HAUS6: variants seen among roughly 807,000 people sequenced by gnomAD.
The protein encoded by HAUS6 is HAUS augmin-like complex subunit 6.
Under a neutral mutation model 106.8 loss-of-function variants are expected in HAUS6, and 80 were observed. The ratio of observed to expected loss-of-function variants is 0.75; its 90% CI spans 0.63 to 0.90. HAUS6 has a LOEUF of 0.90. Ranked by LOEUF, HAUS6 falls within the 40% of genes least tolerant of loss-of-function variation. The pLI, the probability that HAUS6 is intolerant of heterozygous loss-of-function variation, is 0.00. For synonymous variants in HAUS6, 356 were observed against 379.1 expected (o/e 0.94, Z 0.71); for missense variants, 1,155 against 1,118.1 (o/e 1.03, Z -0.47).
chr9:19,063,191 G>A lies in HAUS6; in HGVS notation c.1446C>T (p.Asp482=), dbSNP rs1170452287. 6 of 1,591,106 alleles carry A rather than the reference G, an allele frequency of 3.8e-6. No individual in the cohort carries two copies. The highest frequency in any genetic ancestry group is 1.1e-5 in the South Asian group (1 of 89,468). ...DRNSVTVLEK[D]TKMGTPKEKN... Reference sequence around the variant, plus strand: ...TTTCTTTGGGAGTTCCCATCTTTGTGTCCTGAAGAAGACAGATATGTAATG... The same window carrying A: ...TTTCTTTGGGAGTTCCCATCTTTGTATCCTGAAGAAGACAGATATGTAATG... Residue 482 remains aspartate (D), a splice_region_variant and synonymous_variant, in exon 14 of 17, where the codon GAC becomes GAT. Transcript: ENST00000380502.
Position 19,055,249 on chromosome 9 carries a change from G to A in HAUS6, c.*1094C>T, listed in dbSNP as rs902035371. The A allele has an allele frequency of 6.6e-6, 1 of 152,156 alleles. No individual in the cohort carries two copies. Among genetic ancestry groups the A allele is most frequent in the Non-Finnish European group, 1.5e-5 (1 of 68,028 alleles). 9.4% of individuals were successfully genotyped at this position (152,156 alleles called of 1,614,324 possible). A position where few individuals can be genotyped will look rare whatever the true frequency, so the allele number is the denominator to read the frequency against. ...GGTAGTGAGATGGGGTCTACAAAGG[G>A]TATTGTAGGTACTATCACCCTTCCA... is the stretch of plus-strand genomic sequence containing the variant. On this transcript the variant is annotated 3_prime_UTR_variant, in exon 17 of 17. Coordinates refer to ENST00000380502, the MANE Select transcript of HAUS6 (RefSeq NM_017645.5).
intron 2 of HAUS6, among the ~76,000 whole-genome samples, chr9:19,095,117 T>C (rs550511065): frequency 1.3e-5 from 2 of 151,846 alleles, no homozygotes; most frequent in African/African-American, 4.8e-5. Context: ...AAAAATGGCA[T>C]ACAAGATTAT....
rs768619585 is a variant in HAUS6, at chr9:19,093,276, C to T, written c.331G>A (p.Val111Ile). Residue 111 changes from valine (V) to isoleucine (I), a missense_variant, in exon 4 of 17, where the codon GTT becomes ATT. Val to Ile is a conservative substitution (Grantham distance 29). Transcript: ENST00000380502. ...GGAGAAAGAAATAGTGAACCAACAA[C>T]TTGAGGAAAGCTACTTCCACATTCA... ...SGECGSSFPQ[V>I]VGSLFLSPGG... 2 of 1,608,112 alleles carry T rather than the reference C, an allele frequency of 1.2e-6. No homozygotes were observed. Among genetic ancestry groups the T allele is most frequent in the Admixed American group, 1.7e-5 (1 of 58,726 alleles).
chr9:19,077,228 C>T (rs1056952305), intron 10 of HAUS6, among the ~76,000 whole-genome samples: 6 of 152,198 alleles, frequency 3.9e-5, no homozygotes, highest in Non-Finnish European at 8.8e-5. Flanking sequence ...CATAGTACCT[C>T]ACATCAAGAG....
chr9:19,101,352 ATGGTGCCACGCACC>A (rs952153270), intron 1 of HAUS6, among the ~76,000 whole-genome samples: 4 of 150,746 alleles, frequency 2.7e-5, no homozygotes, highest in Non-Finnish European at 5.9e-5. Flanking sequence ...GACCCTAGGC[ATGGTGCCACGCACC>A]TGTAGTCCCA....
intron 1 of HAUS6, among the ~76,000 whole-genome samples, chr9:19,098,756 C>T (rs1213650679): frequency 2.0e-5 from 3 of 152,054 alleles, no homozygotes; most frequent in African/African-American, 7.2e-5. Flanking sequence ...GGCCCGGTGG[C>T]TCACGCCTGT....
At chr9:19,099,746 G>A (rs753622407) in intron 1 of HAUS6, among the ~76,000 whole-genome samples, 3 of 152,102 alleles carry the variant, frequency 2.0e-5, no homozygotes, top group Non-Finnish European at 2.9e-5. Context: ...CAAATGCATC[G>A]AGCAATTTTA....
intron 16 of HAUS6, 119 bp from the exon 17 acceptor site, chr9:19,056,523 A>C: frequency 3.2e-6 from 2 of 627,292 alleles, no homozygotes; most frequent in South Asian, 3.9e-5. Context: ...CAAATACTTG[A>C]TTATGATAAA....
chr9:19,075,244 A>T (rs979204481), intron 11 of HAUS6, among the ~76,000 whole-genome samples: 1 of 152,036 alleles, frequency 6.6e-6, no homozygotes, highest in Non-Finnish European at 1.5e-5. Flanking sequence ...GTGAAGGGGG[A>T]TTGGGGGGTG....
Position 19,080,594 on chromosome 9 carries a change from C to A in HAUS6, c.949G>T (p.Val317Leu), listed in dbSNP as rs1183432186. 5 of 1,594,488 alleles carry A rather than the reference C, an allele frequency of 3.1e-6. No homozygotes were observed. In the African/African-American group the frequency reaches 6.7e-5, roughly 21 times the overall value. The change falls in exon 9 of 17, where the codon GTG becomes TTG. Residue 317 changes from valine (V) to leucine (L), a missense_variant. Transcript: ENST00000380502. ...GCCTGACAACGTTCATATTTCATCA[C>A]CTTCAAGACTTCATTTAATAACTGA... is the stretch of plus-strand genomic sequence containing the variant. Reference protein sequence around the residue: ...VIQLLNEVLKVMKYERCQADQ... With the variant: ...VIQLLNEVLKLMKYERCQADQ...
chr9:19,066,717 G>A (rs1193744390), intron 12 of HAUS6, among the ~76,000 whole-genome samples: 1 of 151,708 alleles, frequency 6.6e-6, no homozygotes, highest in Non-Finnish European at 1.5e-5. Flanking sequence ...ATGGAAGCCA[G>A]GCAAGGTGGC....
Position 19,057,997 on chromosome 9 carries a change from T to C in HAUS6, c.2770A>G (p.Ile924Val), listed in dbSNP as rs758251788. 6 of 1,610,738 alleles carry C rather than the reference T, an allele frequency of 3.7e-6. No homozygotes were observed. The highest frequency in any genetic ancestry group is 1.7e-5 in the Admixed American group (1 of 59,962). The change falls in exon 16 of 17, where the codon ATA becomes GTA. Residue 924 changes from isoleucine (I) to valine (V), a missense_variant. Coordinates refer to ENST00000380502, the MANE Select transcript of HAUS6 (RefSeq NM_017645.5). ...SPVEQRLRTT[I>V]ACSLGELPNL... ...GGTAGTTCTCCAAGACTACATGCTA[T>C]TGTGGTTCTCAATCTTTGTTCCACT...
intron 12 of HAUS6, among the ~76,000 whole-genome samples, chr9:19,068,408 T>C (rs1001934214): frequency 6.6e-6 from 1 of 152,168 alleles, no homozygotes; most frequent in East Asian, 1.9e-4. Flanking sequence ...TATTTTTCTT[T>C]AGGCACTCAA....
At chr9:19,090,745 C>G (rs1172384699) in intron 4 of HAUS6, among the ~76,000 whole-genome samples, 1 of 152,194 alleles carries the variant, frequency 6.6e-6, no homozygotes, top group African/African-American at 2.4e-5. Flanking sequence ...CATCAGTTTA[C>G]TTTTCCTCCT....
chr9:19,095,279 G>A (rs1817838057), intron 2 of HAUS6, among the ~76,000 whole-genome samples: 1 of 151,944 alleles, frequency 6.6e-6, no homozygotes, highest in South Asian at 2.1e-4. Context: ...TCACAGTCAG[G>A]CTTTTCCAAA....
chr9:19,090,001 T>TA (rs1358786914), intron 4 of HAUS6, among the ~76,000 whole-genome samples: 1 of 150,668 alleles, frequency 6.6e-6, no homozygotes, highest in African/African-American at 2.4e-5. Flanking sequence ...CCCAGCTAGT[T>TA]TTTTTTTTAT....
chr9:19,096,564 C>CAAAAAAAAA (rs370743421), intron 2 of HAUS6, 110 bp downstream of exon 2: 39 of 269,396 alleles, frequency 1.4e-4, no homozygotes, highest in Middle Eastern at 1.4e-3. Flanking sequence ...GACTCCGTCT[C>CAAAAAAAAA]AAAAAAAAAA....
At chr9:19,096,564 C>CAAA (rs370743421) in intron 2 of HAUS6, 110 bp downstream of exon 2, 7,722 of 267,554 alleles carry the variant, frequency 0.029, 475 homozygotes, top group African/African-American at 0.14. Context: ...GACTCCGTCT[C>CAAA]AAAAAAAAAA....
chr9:19,097,557 C>T (rs1817890405), intron 1 of HAUS6, among the ~76,000 whole-genome samples: 1 of 152,036 alleles, frequency 6.6e-6, no homozygotes, highest in Non-Finnish European at 1.5e-5. Context: ...GAGATACCAT[C>T]TCACACCAGT....
Sources: allele counts gnomAD v4.1 joint callset (sites outside exome capture counted in the v4.1 genomes callset), GRCh38; gene constraint gnomAD v4.1.1; transcripts MANE v1.5; gene names NCBI Gene and HGNC (gene_info 2026-07-23, HGNC 2026-07-21).